The following ATE1 variants were observed in gnomAD, a reference collection of about 807,000 sequenced individuals.
The protein encoded by ATE1 is arginyl-tRNA--protein transferase 1.
Under a neutral mutation model 70.5 loss-of-function variants are expected in ATE1, and 36 were observed. The observed-to-expected ratio is 0.51, with a 90% confidence interval of 0.39 to 0.67. The LOEUF is 0.67. ATE1 is among the 30% of genes least tolerant of loss of function. The pLI, the probability that ATE1 is intolerant of heterozygous loss-of-function variation, is 0.00. For synonymous variants in ATE1, 232 were observed against 219.3 expected (o/e 1.06, Z -0.51); for missense variants, 593 against 629.5 (o/e 0.94, Z 0.62).
At chr10:121,817,135 G>A (rs1360138198) in intron 10 of ATE1, among the ~76,000 whole-genome samples, 1 of 152,160 alleles carries the variant, frequency 6.6e-6, no homozygotes, top group East Asian at 1.9e-4. Context: ...ATTTGATGTA[G>A]ATATGCATTT....
chr10:121,840,963 A>G, intron 9 of ATE1, 119 bp downstream of exon 9: 1 of 956,834 alleles, frequency 1.0e-6, no homozygotes, highest in Non-Finnish European at 1.4e-6. Flanking sequence ...ACTAGCAACA[A>G]ATCATTATAA....
chr10:121,909,135 T>A (rs535899105), intron 5 of ATE1, among the ~76,000 whole-genome samples: 1 of 152,224 alleles, frequency 6.6e-6, no homozygotes, highest in East Asian at 1.9e-4. Flanking sequence ...ACTACAGGCA[T>A]GCACCATAAC....
At chr10:121,879,778 C>T (rs538218608) in intron 7 of ATE1, among the ~76,000 whole-genome samples, 22 of 152,278 alleles carry the variant, frequency 1.4e-4, no homozygotes, top group Non-Finnish European at 1.9e-4. Context: ...CCCAGTAATG[C>T]TGAAGTAAAA....
intron 10 of ATE1, among the ~76,000 whole-genome samples, chr10:121,830,443 T>C (rs1590415877): frequency 6.6e-6 from 1 of 152,144 alleles, no homozygotes; most frequent in African/African-American, 2.4e-5. Flanking sequence ...TGACACAGCA[T>C]AGGACCCTCA....
intron 11 of ATE1, among the ~76,000 whole-genome samples, chr10:121,783,907 A>G (rs1946100490): frequency 6.6e-6 from 1 of 152,030 alleles, no homozygotes; most frequent in South Asian, 2.1e-4. Context: ...CGGTTTTGAG[A>G]CAGGGTCTTG....
intron 10 of ATE1, among the ~76,000 whole-genome samples, chr10:121,793,120 C>T (rs1228370598): frequency 6.6e-6 from 1 of 152,148 alleles, no homozygotes; most frequent in Non-Finnish European, 1.5e-5. Flanking sequence ...CACTTAAGCA[C>T]TTCACCAAAG....
chr10:121,811,261 T>C (rs1026659969), intron 10 of ATE1, among the ~76,000 whole-genome samples: 2 of 152,136 alleles, frequency 1.3e-5, no homozygotes, highest in Non-Finnish European at 2.9e-5. Context: ...CATTCACATA[T>C]CTGTATATAA....
intron 10 of ATE1, among the ~76,000 whole-genome samples, chr10:121,817,960 T>C (rs936127569): frequency 7.2e-5 from 11 of 152,164 alleles, no homozygotes; most frequent in Admixed American, 3.9e-4. Context: ...TGAATTTCCC[T>C]TTAAAAATAA....
At position 121,856,168 on chromosome 10, in the gene ATE1, A is replaced by G. The variant is rs980936756; in HGVS notation, c.975+13838T>C. Among the ~76,000 whole-genome samples, 7 of 152,156 alleles carry G rather than the reference A, an allele frequency of 4.6e-5. No homozygotes were observed. The East Asian group carries it at 1.3e-3, about 29-fold the overall frequency. ...TTTAAAATGTTTGGTCTGAGGGGAAAAAAGTTATCGCTTTTCTCAGAATTA... is the reference window on the plus strand; with the variant it reads ...TTTAAAATGTTTGGTCTGAGGGGAAGAAAGTTATCGCTTTTCTCAGAATTA... On this transcript the variant is annotated intron_variant, in intron 8 of 11. Coordinates refer to ENST00000224652, the MANE Select transcript of ATE1 (RefSeq NM_001001976.3).
At chr10:121,905,366 A>G (rs1386966656) in intron 5 of ATE1, among the ~76,000 whole-genome samples, 1 of 152,218 alleles carries the variant, frequency 6.6e-6, no homozygotes, top group East Asian at 1.9e-4. Flanking sequence ...CATTCCTTAC[A>G]GAAGTTATAA....
intron 11 of ATE1, among the ~76,000 whole-genome samples, chr10:121,781,237 T>C (rs1419671577): frequency 6.6e-6 from 1 of 152,122 alleles, no homozygotes; most frequent in Admixed American, 6.5e-5. Flanking sequence ...GCCTCACTTC[T>C]GACTCATGCC....
rs143406591 is a variant in ATE1, at chr10:121,836,889, G to GA, written c.1158-73dup. 9.1e-4 allele frequency: 856 copies of GA among 936,776 alleles called. 7 individuals are homozygous for GA. In the Admixed American group the frequency reaches 9.9e-3, roughly 11 times the overall value. The allele number at this position is 936,776 out of a possible 1,614,324, so 58.0% of individuals were successfully genotyped here. On this transcript the variant is annotated intron_variant, in intron 9 of 11. Transcript: ENST00000224652. Reference sequence around the variant, plus strand: ...TAATGTACAAATATCTGTGTAATTTGATGGTAAACATTTGATAAAATCTGG... The same window carrying GA: ...TAATGTACAAATATCTGTGTAATTTGAATGGTAAACATTTGATAAAATCTGG...
chr10:121,833,582 T>C (rs1448231646), intron 10 of ATE1, among the ~76,000 whole-genome samples: 4 of 151,658 alleles, frequency 2.6e-5, no homozygotes, highest in Non-Finnish European at 5.9e-5. Flanking sequence ...TAGAGATTAC[T>C]GGAGTTGAAA....
intron 10 of ATE1, among the ~76,000 whole-genome samples, chr10:121,799,198 T>C (rs1225970614): frequency 1.3e-5 from 2 of 152,114 alleles, no homozygotes; most frequent in Non-Finnish European, 1.5e-5. Context: ...GAGGAGGCAG[T>C]TGGCCCCAAT....
rs1470337325 is a variant in ATE1 at position 121,742,093 on chromosome 10, T to C, written c.*1587A>G. On this transcript the variant is annotated 3_prime_UTR_variant, in exon 12 of 12. Transcript: ENST00000224652. ...CAAAATCCCAGAAAAATGTAAAATC[T>C]TGTGATCAGAGAAAATGGCTTTGCT... is the stretch of plus-strand genomic sequence containing the variant. The C allele has an allele frequency of 6.6e-6, 1 of 152,206 alleles. No individual in the cohort carries two copies. Among genetic ancestry groups the C allele is most frequent in the Non-Finnish European group, 1.5e-5 (1 of 68,048 alleles). 9.4% of individuals were successfully genotyped at this position (152,206 alleles called of 1,614,324 possible).
intron 10 of ATE1, among the ~76,000 whole-genome samples, chr10:121,794,610 C>CAA (rs71022866): frequency 0.047 from 3,626 of 76,602 alleles, 46 homozygotes; most frequent in Admixed American, 0.062. Context: ...ACCCTGTCTC[C>CAA]AAAAAAAAAA....
intron 1 of ATE1, chr10:121,927,135 T>C: frequency 1.0e-6 from 1 of 985,404 alleles, no homozygotes; most frequent in Non-Finnish European, 1.2e-6. Context: ...ATGTTTTGTT[T>C]ACCAGCAACA....
chr10:121,849,618 T>A (rs1948978519), intron 8 of ATE1, among the ~76,000 whole-genome samples: 2 of 152,318 alleles, frequency 1.3e-5, no homozygotes, highest in African/African-American at 4.8e-5. Context: ...TCACAGATGA[T>A]CCAAGAAAAG....
Position 121,910,797 on chromosome 10 carries a change from G to A in ATE1, c.583+109C>T, listed in dbSNP as rs1951390960. On this transcript the variant is annotated intron_variant, in intron 5 of 11. Transcript: ENST00000224652. ...AAACAAAGCAGGGTTCTGTTTTACAGACTGCACGACTAAGTCATCCTTTTG... is the reference window on the plus strand; with the variant it reads ...AAACAAAGCAGGGTTCTGTTTTACAAACTGCACGACTAAGTCATCCTTTTG... The A allele has an allele frequency of 2.8e-6, 4 of 1,430,260 alleles. No individual in the cohort carries two copies. In the African/African-American group the frequency reaches 5.7e-5, roughly 21 times the overall value. The allele number at this position is 1,430,260 out of a possible 1,614,324, so 88.6% of individuals were successfully genotyped here. A position where few individuals can be genotyped will look rare whatever the true frequency, so the allele number is the denominator to read the frequency against.
Sources: gnomAD v4.1 joint callset for allele counts (sites outside exome capture counted in the v4.1 genomes callset) on GRCh38, gnomAD v4.1.1 for gene constraint, MANE v1.5 for transcripts, NCBI Gene and HGNC (gene_info 2026-07-23, HGNC 2026-07-21) for gene names.